Variants in CTNNA3 observed in about 807,000 individuals in gnomAD.
CTNNA3 encodes the protein catenin alpha 3.
Under a neutral mutation model 95.7 loss-of-function variants are expected in CTNNA3, and 76 were observed. The ratio of observed to expected loss-of-function variants is 0.79; its 90% confidence interval spans 0.66 to 0.96. CTNNA3 has a LOEUF of 0.96. Among genes scored for constraint, CTNNA3 ranks in the 40% least tolerant of loss-of-function variants. CTNNA3 has a pLI of 0.00. For missense variants in CTNNA3, 1,191 were observed against 1,089.8 expected (o/e 1.09, Z -1.31); for synonymous variants, 431 against 374.4 (o/e 1.15, Z -1.74).
At chr10:66,845,703 C>CAAAAAAAAAAAAAAACAAAAAAAAAAAA (rs1843224076) in intron 7 of CTNNA3, among the ~76,000 whole-genome samples, 3 of 23,540 alleles carry the variant, frequency 1.3e-4, no homozygotes, top group Non-Finnish European at 3.7e-4. Flanking sequence ...AACTCTGTCT[C>CAAAAAAAAAAAAAAACAAAAAAAAAAAA]AAAAAAAAAA....
chr10:67,110,538 C>T (rs967559557), intron 7 of CTNNA3, among the ~76,000 whole-genome samples: 1 of 152,130 alleles, frequency 6.6e-6, no homozygotes, highest in Non-Finnish European at 1.5e-5. Flanking sequence ...ACTATTAAAT[C>T]TCCATCTGCT....
At chr10:67,051,838 T>A (rs1287039309) in intron 7 of CTNNA3, among the ~76,000 whole-genome samples, 2 of 151,854 alleles carry the variant, frequency 1.3e-5, no homozygotes, top group African/African-American at 4.8e-5. Context: ...CACTGCAACC[T>A]CTGCCTCAGG....
At chr10:66,171,330 T>C (rs2131832163) in intron 13 of CTNNA3, among the ~76,000 whole-genome samples, 1 of 151,594 alleles carries the variant, frequency 6.6e-6, no homozygotes, top group South Asian at 2.1e-4. Flanking sequence ...ATCCCAGCAC[T>C]TTGGGAGGCT....
chr10:67,387,608 G>C (rs1042833964), intron 5 of CTNNA3, among the ~76,000 whole-genome samples: 2 of 152,174 alleles, frequency 1.3e-5, no homozygotes, highest in Admixed American at 6.5e-5. Flanking sequence ...CTGGGGGCAG[G>C]GCACAGACAA....
chr10:66,278,469 A>G (rs895697603), intron 13 of CTNNA3, among the ~76,000 whole-genome samples: 1 of 152,064 alleles, frequency 6.6e-6, no homozygotes, highest in African/African-American at 2.4e-5. Flanking sequence ...CTTGAAAAAG[A>G]GATGACTATG....
intron 7 of CTNNA3, among the ~76,000 whole-genome samples, chr10:67,100,289 T>A (rs183176343): frequency 5.1e-4 from 78 of 151,852 alleles, no homozygotes; most frequent in African/African-American, 1.7e-3. Flanking sequence ...ACCAAGGCCC[T>A]AAGCTACACC....
chr10:67,061,114 G>A (rs1925592), intron 7 of CTNNA3, among the ~76,000 whole-genome samples: 6,102 of 152,094 alleles, frequency 0.04, 408 homozygotes, highest in African/African-American at 0.14. Context: ...AAAATTAACG[G>A]TTTGGGGAAT....
At chr10:66,832,146 AT>A (rs1162792549) in intron 7 of CTNNA3, among the ~76,000 whole-genome samples, 1 of 152,192 alleles carries the variant, frequency 6.6e-6, no homozygotes, top group Non-Finnish European at 1.5e-5. Context: ...CAAAGACATA[AT>A]ATTTCTATAA....
intron 7 of CTNNA3, among the ~76,000 whole-genome samples, chr10:66,896,219 C>A (rs1229673953): frequency 6.6e-6 from 1 of 152,132 alleles, no homozygotes; most frequent in Non-Finnish European, 1.5e-5. Flanking sequence ...GCATGGTGCT[C>A]CACAAAGAGT....
chr10:66,158,280 A>G (rs1454043180), intron 13 of CTNNA3, among the ~76,000 whole-genome samples: 2 of 152,010 alleles, frequency 1.3e-5, no homozygotes, highest in Non-Finnish European at 2.9e-5. Flanking sequence ...ATCTTCTATA[A>G]TTTTTATAGT....
chr10:66,913,588 A>C (rs1222666794), intron 7 of CTNNA3, among the ~76,000 whole-genome samples: 2 of 152,172 alleles, frequency 1.3e-5, no homozygotes, highest in African/African-American at 4.8e-5. Flanking sequence ...TGAATGAACA[A>C]TTTCTACAAA....
intron 7 of CTNNA3, among the ~76,000 whole-genome samples, chr10:66,947,685 G>A (rs1848343127): frequency 6.6e-6 from 1 of 151,670 alleles, no homozygotes; most frequent in African/African-American, 2.4e-5. Context: ...CTTTCATTCT[G>A]TTTTCAAATA....
At chr10:66,003,827 TACTC>T (rs1302676550) in intron 15 of CTNNA3, among the ~76,000 whole-genome samples, 3 of 152,230 alleles carry the variant, frequency 2.0e-5, no homozygotes, top group African/African-American at 7.2e-5. Context: ...TTACTTTTCT[TACTC>T]ACTTCTCATA....
intron 17 of CTNNA3, among the ~76,000 whole-genome samples, chr10:65,944,080 C>T (rs568920476): frequency 6.6e-6 from 1 of 152,282 alleles, no homozygotes; most frequent in African/African-American, 2.4e-5. Context: ...AAGCAAAATC[C>T]TTTCTTCTTG....
chr10:67,385,802 A>G (rs549047100), intron 5 of CTNNA3, among the ~76,000 whole-genome samples: 3 of 151,578 alleles, frequency 2.0e-5, no homozygotes, highest in Non-Finnish European at 4.4e-5. Flanking sequence ...GTGTGGTCCC[A>G]CAGTGCCTGG....
intron 12 of CTNNA3, among the ~76,000 whole-genome samples, chr10:66,306,690 G>A (rs1299960546): frequency 6.6e-6 from 1 of 152,046 alleles, no homozygotes; most frequent in South Asian, 2.1e-4. Context: ...GAGTACTTAC[G>A]CTCTGCAAAA....
intron 9 of CTNNA3, among the ~76,000 whole-genome samples, chr10:66,708,513 T>G (rs1257900324): frequency 1.3e-5 from 2 of 151,946 alleles, no homozygotes; most frequent in African/African-American, 4.8e-5. Flanking sequence ...TTTGTCTCAA[T>G]TACCCCTTGT....
intron 9 of CTNNA3, among the ~76,000 whole-genome samples, chr10:66,759,010 A>G (rs1839489820): frequency 1.3e-5 from 2 of 152,162 alleles, no homozygotes; most frequent in Admixed American, 6.6e-5. Context: ...GCACATGACA[A>G]CTTTTGACCT....
chr10:67,383,832 G>C (rs1844041886), intron 5 of CTNNA3, among the ~76,000 whole-genome samples: 1 of 152,178 alleles, frequency 6.6e-6, no homozygotes, highest in Non-Finnish European at 1.5e-5. Flanking sequence ...ACGTTTACTA[G>C]AATCTTTGAT....
Sources: gnomAD v4.1 joint callset for allele counts (sites outside exome capture counted in the v4.1 genomes callset) on GRCh38, gnomAD v4.1.1 for gene constraint, MANE v1.5 for transcripts, NCBI Gene and HGNC (gene_info 2026-07-23, HGNC 2026-07-21) for gene names.